HMGB1: variants seen among roughly 807,000 people sequenced by gnomAD.
The protein encoded by HMGB1 is high mobility group protein B1.
For missense variants in HMGB1, 79 were observed against 253.5 expected, an observed-to-expected ratio of 0.31 and a Z score of 4.67; for synonymous variants, 81 against 84.0, an observed-to-expected ratio of 0.96 and a Z score of 0.19.
rs188237117 is a variant in HMGB1 at position 30,582,468 on chromosome 13, C to T, written c.-15+34203G>A. 1.1e-4 allele frequency among the ~76,000 whole-genome samples: 17 copies of T among 152,056 alleles called. No homozygotes were observed. The East Asian group carries it at 2.9e-3, about 26-fold the overall frequency. On this transcript the variant is annotated intron_variant, in intron 1 of 4. Transcript: ENST00000405805. The stretch of plus-strand genomic sequence containing the variant: ...CCTGGCTGACACGGTGAAACCCCGT[C>T]TCCACTAAAAATACAAAAAATTAAC...
At chr13:30,599,030 T>G (rs1871743291) in intron 1 of HMGB1, among the ~76,000 whole-genome samples, 1 of 152,178 alleles carries the variant, frequency 6.6e-6, no homozygotes, top group African/African-American at 2.4e-5. Context: ...CAGGCTGGAC[T>G]TGAACTCCTG....
chr13:30,591,507 ATTT>A (rs201803303), intron 1 of HMGB1, among the ~76,000 whole-genome samples: 1 of 139,788 alleles, frequency 7.2e-6, no homozygotes, highest in Admixed American at 7.2e-5. Flanking sequence ...AGCACCAGGG[ATTT>A]TTTTTTTTTT....
chr13:30,538,510 C>CTTTCCTTT (rs1164550479), intron 1 of HMGB1, among the ~76,000 whole-genome samples: 1 of 82,230 alleles, frequency 1.2e-5, no homozygotes. Context: ...TTCTTTCTTT[C>CTTTCCTTT]CTTTCTTTCT....
chr13:30,591,974 T>C (rs773159257), intron 1 of HMGB1, among the ~76,000 whole-genome samples: 14 of 152,180 alleles, frequency 9.2e-5, no homozygotes, highest in African/African-American at 1.2e-4. Context: ...TTATATACTA[T>C]AGTTAAATGC....
chr13:30,513,580 C>T (rs184367881), intron 1 of HMGB1, among the ~76,000 whole-genome samples: 1 of 152,342 alleles, frequency 6.6e-6, no homozygotes, highest in African/African-American at 2.4e-5. Flanking sequence ...ATCTGCCTCT[C>T]AGGGAAGACT....
chr13:30,526,259 G>C (rs1476755429), intron 1 of HMGB1, among the ~76,000 whole-genome samples: 1 of 152,082 alleles, frequency 6.6e-6, no homozygotes, highest in African/African-American at 2.4e-5. Context: ...GTTTCACCAT[G>C]TTGGCCAGGC....
chr13:30,462,228 T>C (rs7997142), intron 4 of HMGB1: 13,466 of 393,406 alleles, frequency 0.034, 1,583 homozygotes, highest in African/African-American at 0.25. Flanking sequence ...GTTTTTGTAC[T>C]GTATGCCAAG....
chr13:30,524,046 G>C (rs1888298635), intron 1 of HMGB1, among the ~76,000 whole-genome samples: 1 of 152,064 alleles, frequency 6.6e-6, no homozygotes, highest in African/African-American at 2.4e-5. Context: ...CAGGGACATG[G>C]ATGAAGCTGG....
At chr13:30,478,822 C>T (rs1031169776) in intron 1 of HMGB1, among the ~76,000 whole-genome samples, 20 of 151,644 alleles carry the variant, frequency 1.3e-4, no homozygotes, top group Admixed American at 3.3e-4. Context: ...ATGAGCCACA[C>T]GGTGCCCAGC....
Position 30,465,721 on chromosome 13 carries a change from C to T in HMGB1, c.-15+75G>A, listed in dbSNP as rs1233298878. On this transcript the variant is annotated intron_variant, in intron 1 of 4. Coordinates refer to ENST00000341423, the MANE Select transcript of HMGB1 (RefSeq NM_002128.7). ...ATCCTGACCCGCCGGCTCCCGGCCGCGGGGATCCGGCCGCCGCGCGGGCTG... is the reference window on the plus strand; with the variant it reads ...ATCCTGACCCGCCGGCTCCCGGCCGTGGGGATCCGGCCGCCGCGCGGGCTG... 7.2e-6 allele frequency: 6 copies of T among 835,158 alleles called. No individual in the cohort carries two copies. The African/African-American group carries it at 1.1e-4, about 15-fold the overall frequency. The allele number at this position is 835,158 out of a possible 1,614,324, so 51.7% of individuals were successfully genotyped here.
chr13:30,464,734 C>G (rs1465066694), intron 1 of HMGB1: 9 of 548,770 alleles, frequency 1.6e-5, no homozygotes, highest in Non-Finnish European at 1.8e-5. Context: ...CGAGGGCGAG[C>G]GCGAGCGAGA....
At position 30,490,858 on chromosome 13, in the gene HMGB1, G is replaced by C. The variant is rs570777605; in HGVS notation, c.-14-27164C>G. 5.3e-5 allele frequency among the ~76,000 whole-genome samples: 8 copies of C among 152,044 alleles called. No homozygotes were observed. The South Asian group carries it at 1.7e-3, about 32-fold the overall frequency. ...CTTTCCTGAAGACGTGCTTTTCTCT[G>C]TGTGTAGGCAAAGGTACACTGCTGG... On this transcript the variant is annotated intron_variant, in intron 1 of 4. Transcript: ENST00000405805.
upstream of HMGB1, among the ~76,000 whole-genome samples, chr13:30,466,767 T>C (rs1265903463): frequency 6.6e-6 from 1 of 152,244 alleles, no homozygotes; most frequent in Non-Finnish European, 1.5e-5. Context: ...CTTGGTTTGA[T>C]ATGGGGTACT....
intron 1 of HMGB1, among the ~76,000 whole-genome samples, chr13:30,503,517 T>C (rs1887783360): frequency 6.6e-6 from 1 of 152,126 alleles, no homozygotes; most frequent in Non-Finnish European, 1.5e-5. Context: ...CTGTATCTTT[T>C]ATGGATAAGG....
intron 1 of HMGB1, among the ~76,000 whole-genome samples, chr13:30,485,367 C>T (rs1887341605): frequency 6.6e-6 from 1 of 152,082 alleles, no homozygotes; most frequent in Non-Finnish European, 1.5e-5. Flanking sequence ...GATGAGAGAC[C>T]CTAACTCCCA....
intron 1 of HMGB1, among the ~76,000 whole-genome samples, chr13:30,599,137 G>A (rs1017943594): frequency 6.6e-6 from 1 of 152,112 alleles, no homozygotes; most frequent in Non-Finnish European, 1.5e-5. Flanking sequence ...GTAAGGGTTG[G>A]TACTGGGCCC....
chr13:30,478,503 T>A (rs565334167), intron 1 of HMGB1, among the ~76,000 whole-genome samples: 20 of 152,226 alleles, frequency 1.3e-4, no homozygotes, highest in Non-Finnish European at 2.8e-4. Context: ...TTATGAATAC[T>A]AAACTGAATG....
chr13:30,520,734 C>T (rs1193735355), intron 1 of HMGB1, among the ~76,000 whole-genome samples: 1 of 152,236 alleles, frequency 6.6e-6, no homozygotes, highest in Admixed American at 6.5e-5. Context: ...TGCTTATTCA[C>T]TCAGTATCGT....
At chr13:30,465,282 C>A (rs1886702340) in intron 1 of HMGB1, 1 of 136,792 alleles carries the variant, frequency 7.3e-6, no homozygotes, top group Non-Finnish European at 1.6e-5. Flanking sequence ...CGCCGCGGCG[C>A]CCCGCCCGCC....
Sources: allele counts gnomAD v4.1 joint callset (sites outside exome capture counted in the v4.1 genomes callset), GRCh38; gene constraint gnomAD v4.1.1; transcripts MANE v1.5; gene names NCBI Gene and HGNC (gene_info 2026-07-23, HGNC 2026-07-21).